Variants in FGF1 observed in about 807,000 individuals in gnomAD.
The protein encoded by FGF1 is beta-endothelial cell growth factor.
A neutral mutation model predicts 13.4 loss-of-function variants in FGF1; 9 were observed. That is an observed-to-expected ratio of 0.67 (90% CI 0.40 to 1.17). The LOEUF (loss-of-function observed/expected upper bound fraction) is 1.17. Ranked by LOEUF, FGF1 falls within the 50% of genes most tolerant of loss-of-function variation. The probability of loss-of-function intolerance (pLI) is 0.01; values close to 1 mark genes in which losing one functional copy is unlikely to be tolerated. For missense variants in FGF1, 156 were observed against 192.7 expected, an observed-to-expected ratio of 0.81 and a Z score of 1.13; for synonymous variants, 93 against 79.0, an observed-to-expected ratio of 1.18 and a Z score of -0.94.
In FGF1 at chr5:142,665,953, C is replaced by A. The variant is rs189155836; in HGVS notation, c.-35+20004G>T. Reference sequence around the variant, plus strand: ...ACTTCCCCCTAGGTTGGCTCTCTGGCAAACCCTTCTTTTTTCAAGGTGAGA... The same window carrying A: ...ACTTCCCCCTAGGTTGGCTCTCTGGAAAACCCTTCTTTTTTCAAGGTGAGA... On this transcript the variant is annotated intron_variant, in intron 1 of 3. Transcript: ENST00000337706. 2.0e-3 allele frequency among the ~76,000 whole-genome samples: 302 copies of A among 152,200 alleles called. 2 individuals are homozygous for A. The highest frequency in any genetic ancestry group is 6.9e-3 in the African/African-American group (287 of 41,530).
At position 142,600,741 on chromosome 5, in the gene FGF1, C is replaced by A. The variant is rs886552961; in HGVS notation, c.234G>T (p.Gln78His). 1 of 1,613,540 alleles carries A rather than the reference C, an allele frequency of 6.2e-7. No homozygotes were observed. Among genetic ancestry groups the A allele is most frequent in the African/African-American group, 1.3e-5 (1 of 74,912 alleles). The stretch of plus-strand genomic sequence containing the variant: ...GCCCGTCGGTGTCCATGGCCAAGTA[C>A]TGGCCAGTCTCGGTACTCTTTATAT... ...EVYIKSTETG[Q>H]YLAMDTDGLL... Residue 78 changes from glutamine to histidine, a missense_variant, in exon 3 of 4, where the codon CAG becomes CAT. By Grantham distance (24) the Gln-to-His change is conservative. Transcript: ENST00000337706.
chr5:142,623,200 C>T (rs1251395692), intron 1 of FGF1, among the ~76,000 whole-genome samples: 1 of 152,220 alleles, frequency 6.6e-6, no homozygotes, highest in Non-Finnish European at 1.5e-5. Context: ...ATGACTCATT[C>T]TCACAGTGCC....
intron 2 of FGF1, among the ~76,000 whole-genome samples, chr5:142,609,734 T>G (rs889988056): frequency 6.6e-6 from 1 of 152,062 alleles, no homozygotes; most frequent in African/African-American, 2.4e-5. Context: ...ATCAATACCA[T>G]TTTTTTTGAG....
At chr5:142,621,574 C>T (rs1561582205) in intron 1 of FGF1, among the ~76,000 whole-genome samples, 1 of 152,140 alleles carries the variant, frequency 6.6e-6, no homozygotes, top group African/African-American at 2.4e-5. Flanking sequence ...GTTCATTCCC[C>T]TGTGCTCTCC....
chr5:142,657,872 T>A (rs1447386991), intron 1 of FGF1, among the ~76,000 whole-genome samples: 1 of 152,204 alleles, frequency 6.6e-6, no homozygotes, highest in African/African-American at 2.4e-5. Flanking sequence ...TTTCACCACC[T>A]TTTGGAGTGT....
At chr5:142,647,174 G>T (rs963673848) in intron 1 of FGF1, among the ~76,000 whole-genome samples, 3 of 152,150 alleles carry the variant, frequency 2.0e-5, no homozygotes, top group East Asian at 1.9e-4. Context: ...AGCAGATAAG[G>T]CTCTCTGCCA....
intron 1 of FGF1, among the ~76,000 whole-genome samples, chr5:142,676,866 C>T (rs1379266235): frequency 6.6e-6 from 1 of 152,166 alleles, no homozygotes; most frequent in African/African-American, 2.4e-5. Flanking sequence ...CACCCTGCAT[C>T]TCTGCCATTT....
chr5:142,606,505 C>A (rs1392773436), intron 2 of FGF1, among the ~76,000 whole-genome samples: 1 of 151,466 alleles, frequency 6.6e-6, no homozygotes, highest in African/African-American at 2.4e-5. Context: ...CGCCTGTAAT[C>A]CCAGCTACTC....
chr5:142,613,933 G>T (rs41290617), intron 2 of FGF1, 26 bp downstream of exon 2: 19,871 of 1,606,946 alleles, frequency 0.012, 180 homozygotes, highest in Middle Eastern at 0.024. Flanking sequence ...AGAAAGGGAA[G>T]GGGGGTGCCA....
At chr5:142,657,526 G>A (rs10058307) in intron 1 of FGF1, among the ~76,000 whole-genome samples, 18,642 of 152,196 alleles carry the variant, frequency 0.12, 2,342 homozygotes, top group African/African-American at 0.32. Context: ...ACCTGATTGC[G>A]GTGGCCTGAG....
chr5:142,605,321 A>G (rs1249323760), intron 2 of FGF1, among the ~76,000 whole-genome samples: 1 of 142,810 alleles, frequency 7.0e-6, no homozygotes, highest in Non-Finnish European at 1.5e-5. Context: ...GGGTTTCATC[A>G]TGTTGGCCAG....
chr5:142,647,765 A>T (rs925266285), intron 1 of FGF1, among the ~76,000 whole-genome samples: 1 of 152,168 alleles, frequency 6.6e-6, no homozygotes, highest in African/African-American at 2.4e-5. Context: ...CACATGTGGC[A>T]TCATGTCAGT....
chr5:142,615,964 G>T (rs1208533758), intron 1 of FGF1, among the ~76,000 whole-genome samples: 2 of 152,162 alleles, frequency 1.3e-5, no homozygotes, highest in Admixed American at 6.5e-5. Flanking sequence ...TCCACCAACA[G>T]CCTCTCCTTT....
chr5:142,601,509 C>T (rs1388564112), intron 2 of FGF1, among the ~76,000 whole-genome samples: 2 of 151,938 alleles, frequency 1.3e-5, no homozygotes, highest in Non-Finnish European at 2.9e-5. Context: ...AGAATGAAGC[C>T]GTTACCTGGA....
At chr5:142,658,632 G>A (rs1269470865) in intron 1 of FGF1, among the ~76,000 whole-genome samples, 5 of 152,146 alleles carry the variant, frequency 3.3e-5, no homozygotes, top group Non-Finnish European at 7.4e-5. Flanking sequence ...ACACACTCAC[G>A]AGTTAAAGGA....
rs551801448 is a variant in FGF1 at position 142,645,958 on chromosome 5, A to G, written c.-34-31797T>C. Among the ~76,000 whole-genome samples the G allele has an allele frequency of 5.3e-5, 8 of 152,104 alleles. No individual in the cohort carries two copies. The South Asian group carries it at 6.2e-4, about 12-fold the overall frequency. ...GAGTCTTGCTTTGTCGCCTAGGCTGAAGCGCAGTGGTGCGATCTTGGCTCA... is the reference window on the plus strand; with the variant it reads ...GAGTCTTGCTTTGTCGCCTAGGCTGGAGCGCAGTGGTGCGATCTTGGCTCA... On this transcript the variant is annotated intron_variant, in intron 1 of 3. Coordinates refer to ENST00000337706, the MANE Select transcript of FGF1 (RefSeq NM_000800.5).
intron 3 of FGF1, among the ~76,000 whole-genome samples, chr5:142,596,073 T>C (rs539065623): frequency 3.1e-4 from 47 of 152,388 alleles, no homozygotes; most frequent in South Asian, 1.2e-3. Flanking sequence ...AAGATATGCT[T>C]GTGCAAAATT....
intron 1 of FGF1, among the ~76,000 whole-genome samples, chr5:142,676,475 A>G (rs1772630155): frequency 1.3e-5 from 2 of 152,174 alleles, no homozygotes; most frequent in African/African-American, 2.4e-5. Flanking sequence ...CGCTGCTATT[A>G]TCTCTATTTT....
chr5:142,688,216 C>A (rs562878567), upstream of FGF1, among the ~76,000 whole-genome samples: 135 of 152,276 alleles, frequency 8.9e-4, no homozygotes, highest in African/African-American at 3.0e-3. Context: ...GGGAAATAAT[C>A]CTCAGTTAAG....
Sources: gnomAD v4.1 joint callset for allele counts (sites outside exome capture counted in the v4.1 genomes callset) on GRCh38, gnomAD v4.1.1 for gene constraint, MANE v1.5 for transcripts, NCBI Gene and HGNC (gene_info 2026-07-23, HGNC 2026-07-21) for gene names.